The following TECRL variants were observed in gnomAD, a reference collection of about 807,000 sequenced individuals.
The protein encoded by TECRL is trans-2,3-enoyl-CoA reductase like.
TECRL carries 63 observed loss-of-function variants against 52.8 expected under a neutral mutation model. That is an observed-to-expected ratio of 1.19 (90% CI 0.97 to 1.47). The LOEUF is 1.47. TECRL is among the 40% of genes most tolerant of loss of function. TECRL has a pLI of 0.00. For missense variants in TECRL, 482 were observed against 429.6 expected (o/e 1.12, Z -1.08); for synonymous variants, 164 against 141.9 (o/e 1.16, Z -1.10).
At chr4:64,392,917 C>T (rs1723643455) in intron 1 of TECRL, among the ~76,000 whole-genome samples, 2 of 151,954 alleles carry the variant, frequency 1.3e-5, no homozygotes, top group African/African-American at 4.8e-5. Flanking sequence ...GCCATCTCTA[C>T]ATCATGTAAA....
Position 64,375,226 on chromosome 4 carries a change from GA to G in TECRL, c.235-4del. ...TGAATAGTAGATGATTGTGTCACCT[GA>G]AAAGGAAAAGAAAATAGAGTTATTT... On this transcript the variant is annotated splice_polypyrimidine_tract_variant and splice_region_variant and intron_variant, in intron 1 of 11. Coordinates refer to ENST00000381210, the MANE Select transcript of TECRL (RefSeq NM_001010874.5). The G allele has an allele frequency of 1.5e-6, 2 of 1,371,374 alleles. No homozygotes were observed. Among genetic ancestry groups the G allele is most frequent in the East Asian group, 2.9e-5 (1 of 34,800 alleles). The allele number at this position is 1,371,374 out of a possible 1,614,324, so 85.0% of individuals were successfully genotyped here.
At chr4:64,397,089 A>T (rs1467660217) in intron 1 of TECRL, among the ~76,000 whole-genome samples, 5 of 151,640 alleles carry the variant, frequency 3.3e-5, no homozygotes, top group Admixed American at 6.6e-5. Context: ...TTTTGTTTGA[A>T]CTCTTATATT....
At position 64,409,072 on chromosome 4, in the gene TECRL, A is replaced by G. The variant is rs759760928; in HGVS notation, c.234+46T>C. On this transcript the variant is annotated intron_variant, in intron 1 of 11. Coordinates refer to ENST00000381210, the MANE Select transcript of TECRL (RefSeq NM_001010874.5). ...CAATCAATAATATTTGGGGCAGAGA[A>G]GAAACACTTAAACAAACAAACAAAT... The G allele has an allele frequency of 8.9e-6, 13 of 1,462,004 alleles. No individual in the cohort carries two copies. In the East Asian group the frequency reaches 2.7e-4, roughly 30 times the overall value. 90.6% of individuals were successfully genotyped at this position (1,462,004 alleles called of 1,614,324 possible).
intron 1 of TECRL, among the ~76,000 whole-genome samples, chr4:64,376,823 A>G (rs1312260296): frequency 3.9e-5 from 6 of 152,046 alleles, no homozygotes; most frequent in Non-Finnish European, 2.9e-5. Context: ...TATGGAGCTG[A>G]GGATAATGAC....
intron 1 of TECRL, among the ~76,000 whole-genome samples, chr4:64,383,462 T>G (rs757485476): frequency 4.6e-5 from 7 of 152,020 alleles, no homozygotes; most frequent in Non-Finnish European, 1.0e-4. Flanking sequence ...TATTCTTTTC[T>G]TTTTGTCTGT....
chr4:64,318,362 A>C (rs2110020448), intron 4 of TECRL, among the ~76,000 whole-genome samples: 1 of 152,238 alleles, frequency 6.6e-6, no homozygotes, highest in African/African-American at 2.4e-5. Flanking sequence ...AAAAATATTG[A>C]AATGTAATGT....
intron 2 of TECRL, among the ~76,000 whole-genome samples, chr4:64,359,601 G>A (rs148477606): frequency 6.6e-6 from 1 of 152,022 alleles, no homozygotes; most frequent in East Asian, 1.9e-4. Context: ...TTGCACAGCA[G>A]TACATAGTTT....
At chr4:64,396,758 T>C (rs142614938) in intron 1 of TECRL, among the ~76,000 whole-genome samples, 1,576 of 152,218 alleles carry the variant, frequency 0.01, 33 homozygotes, top group African/African-American at 0.036. Flanking sequence ...TATTTCATAA[T>C]TTTTTTTCCA....
intron 8 of TECRL, among the ~76,000 whole-genome samples, chr4:64,296,512 A>G (rs891731766): frequency 6.6e-6 from 1 of 151,796 alleles, no homozygotes; most frequent in African/African-American, 2.4e-5. Context: ...TGTAAGCCAT[A>G]TCTTATATGC....
intron 1 of TECRL, among the ~76,000 whole-genome samples, chr4:64,385,200 C>G (rs1723090421): frequency 6.6e-6 from 1 of 151,972 alleles, no homozygotes; most frequent in Non-Finnish European, 1.5e-5. Context: ...AGCTTATTAG[C>G]TGTGGCAGGC....
chr4:64,345,261 T>C (rs770151255), intron 2 of TECRL, among the ~76,000 whole-genome samples: 2 of 152,108 alleles, frequency 1.3e-5, no homozygotes, highest in Admixed American at 6.6e-5. Context: ...CGTGTGTTTA[T>C]TGCGGCACTA....
At position 64,318,977 on chromosome 4, in the gene TECRL, C is replaced by T. The variant is rs115816613; in HGVS notation, c.435+3712G>A. ...ATGGAAAATTATATTGTACCAAAAC[C>T]ATGAAAATGAGTCAGGAGGTGCTCA... On this transcript the variant is annotated intron_variant, in intron 4 of 11. Transcript: ENST00000381210. 4.3e-3 allele frequency among the ~76,000 whole-genome samples: 647 copies of T among 151,796 alleles called. 3 individuals carry two copies. Among genetic ancestry groups the T allele is most frequent in the African/African-American group, 0.015 (631 of 41,500 alleles).
At chr4:64,324,101 G>A (rs1008985735) in intron 3 of TECRL, among the ~76,000 whole-genome samples, 2 of 151,866 alleles carry the variant, frequency 1.3e-5, no homozygotes, top group Non-Finnish European at 2.9e-5. Flanking sequence ...ATATAACAAA[G>A]GTTACTTAAA....
intron 1 of TECRL, among the ~76,000 whole-genome samples, chr4:64,403,437 C>A (rs148167718): frequency 4.6e-4 from 70 of 150,584 alleles, no homozygotes; most frequent in South Asian, 1.7e-3. Flanking sequence ...AGCTAGCAAG[C>A]AAGCAAGCAA....
At chr4:64,300,942 C>T (rs951454370) in intron 7 of TECRL, among the ~76,000 whole-genome samples, 1 of 150,780 alleles carries the variant, frequency 6.6e-6, no homozygotes, top group African/African-American at 2.4e-5. Context: ...AATAATACTG[C>T]TTTGAACATC....
At chr4:64,372,918 T>G (rs1722083083) in intron 2 of TECRL, among the ~76,000 whole-genome samples, 1 of 151,552 alleles carries the variant, frequency 6.6e-6, no homozygotes, top group Non-Finnish European at 1.5e-5. Flanking sequence ...ATTTATGTAC[T>G]TTAATAAGTA....
At chr4:64,341,475 C>T (rs780245266) in intron 2 of TECRL, among the ~76,000 whole-genome samples, 2 of 152,074 alleles carry the variant, frequency 1.3e-5, no homozygotes, top group Non-Finnish European at 2.9e-5. Flanking sequence ...TGGCACATTC[C>T]TGTAATCTCA....
chr4:64,293,246 A>G (rs1472319629), intron 8 of TECRL, among the ~76,000 whole-genome samples: 1 of 152,122 alleles, frequency 6.6e-6, no homozygotes, highest in East Asian at 1.9e-4. Flanking sequence ...AAGTAAATAA[A>G]AACACTTACT....
chr4:64,393,965 T>C (rs1018173781), intron 1 of TECRL, among the ~76,000 whole-genome samples: 1 of 152,054 alleles, frequency 6.6e-6, no homozygotes, highest in African/African-American at 2.4e-5. Context: ...ATATATATAA[T>C]GCTGTTGGAA....
Sources: gnomAD v4.1 joint callset for allele counts (sites outside exome capture counted in the v4.1 genomes callset) on GRCh38, gnomAD v4.1.1 for gene constraint, MANE v1.5 for transcripts, NCBI Gene and HGNC (gene_info 2026-07-23, HGNC 2026-07-21) for gene names.